CBLN2: variants seen among roughly 807,000 people sequenced by gnomAD.
CBLN2 encodes cerebellin 2 precursor, also known as cerebellin-2.
A neutral mutation model predicts 15.0 loss-of-function variants in CBLN2; 7 were observed. That is an observed-to-expected ratio of 0.47 (90% confidence interval 0.27 to 0.88). The LOEUF (loss-of-function observed/expected upper bound fraction) is 0.88, where lower values mean the gene tolerates loss of function less well. Among genes scored for constraint, CBLN2 ranks in the 40% least tolerant of loss-of-function variants. CBLN2 has a pLI of 0.14. For missense variants in CBLN2, 242 were observed against 304.5 expected (o/e 0.79, Z 1.53); for synonymous variants, 149 against 135.2 (o/e 1.10, Z -0.71).
At chr18:72,542,780 T>C (rs1265606443) in intron 2 of CBLN2, among the ~76,000 whole-genome samples, 1 of 152,120 alleles carries the variant, frequency 6.6e-6, no homozygotes, top group African/African-American at 2.4e-5. Flanking sequence ...ATCCTCTATT[T>C]TTCAATCCTC....
upstream of CBLN2, among the ~76,000 whole-genome samples, chr18:72,546,564 C>A (rs1037750269): frequency 2.6e-5 from 4 of 152,110 alleles, no homozygotes; most frequent in African/African-American, 4.8e-5. Flanking sequence ...CTCAGGGATT[C>A]CTTTTTCTCT....
At chr18:72,561,993 C>T (rs2069264564) in intron 1 of CBLN2, among the ~76,000 whole-genome samples, 2 of 152,196 alleles carry the variant, frequency 1.3e-5, no homozygotes, top group South Asian at 4.1e-4. Flanking sequence ...CTAGGTTACA[C>T]AATTCCCCTG....
At chr18:72,575,789 G>T (rs1052348044) in intron 1 of CBLN2, among the ~76,000 whole-genome samples, 1 of 139,026 alleles carries the variant, frequency 7.2e-6, no homozygotes, top group Non-Finnish European at 1.6e-5. Flanking sequence ...CAAGGAAAGA[G>T]AACGGGAGAT....
chr18:72,592,871 G>C (rs548157089), intron 1 of CBLN2, among the ~76,000 whole-genome samples: 2 of 151,970 alleles, frequency 1.3e-5, no homozygotes, highest in Non-Finnish European at 2.9e-5. Context: ...TACCACTACC[G>C]TGTTGTTTTG....
intron 1 of CBLN2, among the ~76,000 whole-genome samples, chr18:72,619,709 GGGTC>G (rs2144965075): frequency 6.6e-6 from 1 of 152,244 alleles, no homozygotes; most frequent in South Asian, 2.1e-4. Flanking sequence ...GAAGAGCTAA[GGGTC>G]ATTATGATCA....
At chr18:72,626,328 T>C (rs909532528) in intron 1 of CBLN2, among the ~76,000 whole-genome samples, 4 of 152,082 alleles carry the variant, frequency 2.6e-5, no homozygotes, top group African/African-American at 9.7e-5. Context: ...TTGGTATTAG[T>C]AGAATTTCAA....
intron 1 of CBLN2, among the ~76,000 whole-genome samples, chr18:72,572,367 C>T (rs2069337934): frequency 3.3e-5 from 5 of 152,042 alleles, no homozygotes. Context: ...ATTTCATAGT[C>T]ATTCTGTAGC....
At chr18:72,568,719 C>A (rs2069312262) in intron 1 of CBLN2, among the ~76,000 whole-genome samples, 1 of 152,170 alleles carries the variant, frequency 6.6e-6, no homozygotes, top group Admixed American at 6.5e-5. Context: ...TGTTATTGTG[C>A]ATCCCTGTAA....
intron 1 of CBLN2, among the ~76,000 whole-genome samples, chr18:72,615,159 A>ATATATATTTATATAT (rs1568132472): frequency 2.2e-4 from 30 of 136,628 alleles, no homozygotes; most frequent in African/African-American, 8.2e-4. Context: ...AATATAGAAA[A>ATATATATTTATATAT]TATATATAAA....
chr18:72,551,505 G>A (rs1019179261), intron 1 of CBLN2, among the ~76,000 whole-genome samples: 2 of 152,120 alleles, frequency 1.3e-5, no homozygotes, highest in African/African-American at 4.8e-5. Flanking sequence ...ACAGAATTAG[G>A]TGGACTAAAA....
At chr18:72,564,107 A>G (rs2069278835) in intron 1 of CBLN2, among the ~76,000 whole-genome samples, 1 of 152,184 alleles carries the variant, frequency 6.6e-6, no homozygotes, top group Non-Finnish European at 1.5e-5. Flanking sequence ...GTTTCACCAG[A>G]TATGCGGAAA....
intron 1 of CBLN2, among the ~76,000 whole-genome samples, chr18:72,568,340 T>C (rs2069310019): frequency 6.6e-6 from 1 of 152,190 alleles, no homozygotes; most frequent in African/African-American, 2.4e-5. Context: ...CATCCATCGA[T>C]GTGCTGGAGC....
Position 72,628,525 on chromosome 18 carries a change from C to A in CBLN2, c.15+9800G>T, listed in dbSNP as rs1484904337. On this transcript the variant is annotated intron_variant, in intron 1 of 2. Coordinates refer to the CBLN2 transcript ENST00000581073. ...CCAGCATTGGACGGAGATGGCCCGGCCTTTATACTCCTTCCCACCTCACAG... is the reference window on the plus strand; with the variant it reads ...CCAGCATTGGACGGAGATGGCCCGGACTTTATACTCCTTCCCACCTCACAG... Among the ~76,000 whole-genome samples the A allele has an allele frequency of 2.0e-5, 3 of 152,138 alleles. No individual in the cohort carries two copies. In the East Asian group the frequency reaches 5.8e-4, roughly 29 times the overall value.
intron 1 of CBLN2, among the ~76,000 whole-genome samples, chr18:72,629,875 C>G (rs146612104): frequency 3.7e-4 from 57 of 152,196 alleles, no homozygotes; most frequent in African/African-American, 1.3e-3. Context: ...CTAAATATTT[C>G]TGATACCACA....
At chr18:72,605,098 C>T (rs1256112089) in intron 1 of CBLN2, among the ~76,000 whole-genome samples, 1 of 152,210 alleles carries the variant, frequency 6.6e-6, no homozygotes, top group Non-Finnish European at 1.5e-5. Context: ...CCCTGCCTTT[C>T]ACAATGAATT....
rs373092062 is a variant in CBLN2, at chr18:72,619,667, T to A, written c.15+18658A>T. Among the ~76,000 whole-genome samples the A allele has an allele frequency of 1.3e-3, 199 of 152,348 alleles. 2 individuals carry two copies. Among genetic ancestry groups the A allele is most frequent in the African/African-American group, 4.3e-3 (179 of 41,588 alleles). ...TTGTACGATTGTTTTTTGCCCTTGA[T>A]TATTTATGAAAACAAAGGTTTCTCA... On this transcript the variant is annotated intron_variant, in intron 1 of 2. Transcript: ENST00000581073.
intron 1 of CBLN2, among the ~76,000 whole-genome samples, chr18:72,616,298 T>G (rs1351226343): frequency 1.3e-5 from 2 of 152,214 alleles, no homozygotes; most frequent in Non-Finnish European, 2.9e-5. Flanking sequence ...ATGATATTCC[T>G]TAATGAATAT....
intron 1 of CBLN2, among the ~76,000 whole-genome samples, chr18:72,551,016 T>C (rs1323959463): frequency 6.6e-6 from 1 of 152,096 alleles, no homozygotes. Flanking sequence ...GTAACACATA[T>C]ACATGTCTTT....
chr18:72,617,352 G>T (rs1318221226), intron 1 of CBLN2, among the ~76,000 whole-genome samples: 1 of 152,004 alleles, frequency 6.6e-6, no homozygotes, highest in Admixed American at 6.6e-5. Flanking sequence ...CTACTAAATA[G>T]TTAAAATTAT....
Sources: gnomAD v4.1 joint callset for allele counts (sites outside exome capture counted in the v4.1 genomes callset) on GRCh38, gnomAD v4.1.1 for gene constraint, MANE v1.5 for transcripts, NCBI Gene and HGNC (gene_info 2026-07-23, HGNC 2026-07-21) for gene names.